SEL1L2: variants seen among roughly 807,000 people sequenced by gnomAD.
SEL1L2 encodes the protein SEL1L2 adaptor subunit of SYVN1 ubiquitin ligase, also known as protein sel-1 homolog 2.
Under a neutral mutation model 98.8 loss-of-function variants are expected in SEL1L2, and 89 were observed. The ratio of observed to expected loss-of-function variants is 0.90; its 90% confidence interval spans 0.76 to 1.07. The LOEUF (loss-of-function observed/expected upper bound fraction) is 1.07. Ranked by LOEUF, SEL1L2 falls within the 50% of genes least tolerant of loss-of-function variation. The pLI is 0.00. For synonymous variants in SEL1L2, 262 were observed against 278.5 expected, an observed-to-expected ratio of 0.94 and a Z score of 0.59; for missense variants, 788 against 812.0, an observed-to-expected ratio of 0.97 and a Z score of 0.36.
chr20:13,946,509 G>A (rs2050014933), intron 2 of SEL1L2, among the ~76,000 whole-genome samples: 1 of 152,356 alleles, frequency 6.6e-6, no homozygotes, highest in Admixed American at 6.5e-5. Context: ...AAATGGAAAT[G>A]ATGATGGTGG....
At chr20:13,932,086 T>C (rs1045488442) in intron 2 of SEL1L2, among the ~76,000 whole-genome samples, 3 of 152,198 alleles carry the variant, frequency 2.0e-5, no homozygotes, top group Non-Finnish European at 4.4e-5. Context: ...GTTGTCATGG[T>C]AATGTCAATC....
chr20:13,957,122 A>G (rs2050576392), intron 1 of SEL1L2, among the ~76,000 whole-genome samples: 1 of 149,506 alleles, frequency 6.7e-6, no homozygotes, highest in African/African-American at 2.5e-5. Flanking sequence ...TTTTTTTTGG[A>G]CACAGAGTCT....
chr20:13,884,737 G>C (rs1382412795), intron 10 of SEL1L2, among the ~76,000 whole-genome samples: 2 of 152,022 alleles, frequency 1.3e-5, no homozygotes, highest in Non-Finnish European at 2.9e-5. Flanking sequence ...TCAATATCCT[G>C]ATCTCGTGAT....
chr20:13,873,681 C>T (rs1363178664), intron 12 of SEL1L2, among the ~76,000 whole-genome samples: 2 of 152,190 alleles, frequency 1.3e-5, no homozygotes, highest in Non-Finnish European at 2.9e-5. Context: ...TTTTAAAACA[C>T]TTTCTGGGCC....
chr20:13,979,422 CAA>C (rs932892391), intron 1 of SEL1L2, among the ~76,000 whole-genome samples: 13 of 151,968 alleles, frequency 8.6e-5, no homozygotes, highest in Non-Finnish European at 1.3e-4. Flanking sequence ...GTTTACAACA[CAA>C]AGAAATAATA....
At chr20:13,986,169 T>G (rs1007258106) in intron 1 of SEL1L2, among the ~76,000 whole-genome samples, 1 of 152,230 alleles carries the variant, frequency 6.6e-6, no homozygotes, top group Non-Finnish European at 1.5e-5. Flanking sequence ...TTAGATCATA[T>G]AGTAACTTTA....
chr20:13,987,092 A>G (rs1026290595), intron 1 of SEL1L2, among the ~76,000 whole-genome samples: 2 of 147,674 alleles, frequency 1.4e-5, no homozygotes, highest in African/African-American at 2.6e-5. Context: ...CAGCCCCCCA[A>G]AGTGCTGGGA....
chr20:13,942,042 A>G (rs1264752609), intron 2 of SEL1L2, among the ~76,000 whole-genome samples: 4 of 152,138 alleles, frequency 2.6e-5, no homozygotes, highest in Non-Finnish European at 4.4e-5. Flanking sequence ...AGCTCTTGGG[A>G]AAAAGAGGAA....
intron 5 of SEL1L2, among the ~76,000 whole-genome samples, chr20:13,897,658 A>T (rs36091847): frequency 0.19 from 29,590 of 152,108 alleles, 3,714 homozygotes; most frequent in Non-Finnish European, 0.26. Flanking sequence ...AAATGTGCTC[A>T]ATATCAAGGT....
chr20:13,889,106 C>T (rs971839307), intron 5 of SEL1L2, among the ~76,000 whole-genome samples: 50 of 151,736 alleles, frequency 3.3e-4, no homozygotes, highest in Admixed American at 2.8e-3. Flanking sequence ...ATTACAGGTG[C>T]CCACCACCAC....
chr20:13,857,542 G>C (rs1052382991), intron 18 of SEL1L2, among the ~76,000 whole-genome samples: 6 of 152,212 alleles, frequency 3.9e-5, no homozygotes, highest in African/African-American at 1.4e-4. Context: ...ACACCTGCCT[G>C]TCCCCAGGGA....
intron 2 of SEL1L2, among the ~76,000 whole-genome samples, chr20:13,938,869 C>A (rs1298265847): frequency 6.6e-6 from 1 of 151,896 alleles, no homozygotes; most frequent in East Asian, 1.9e-4. Context: ...TGTTTAAATA[C>A]ATTTTTCTGT....
chr20:13,984,358 A>T (rs918085022), intron 1 of SEL1L2, among the ~76,000 whole-genome samples: 3 of 152,150 alleles, frequency 2.0e-5, no homozygotes, highest in Non-Finnish European at 4.4e-5. Context: ...ACTGTCCTGG[A>T]AACATAAAAA....
At chr20:13,899,401 T>G (rs2047567711) in intron 5 of SEL1L2, among the ~76,000 whole-genome samples, 1 of 152,212 alleles carries the variant, frequency 6.6e-6, no homozygotes, top group Non-Finnish European at 1.5e-5. Flanking sequence ...CACTCTATTT[T>G]CAGCATGTAT....
chr20:13,890,132 C>G (rs1406313701), intron 5 of SEL1L2, among the ~76,000 whole-genome samples: 1 of 152,214 alleles, frequency 6.6e-6, no homozygotes, highest in Non-Finnish European at 1.5e-5. Flanking sequence ...CTCAAGCCAG[C>G]ACAGCTTGGT....
chr20:13,984,127 T>C (rs2148565761), intron 1 of SEL1L2, among the ~76,000 whole-genome samples: 1 of 151,996 alleles, frequency 6.6e-6, no homozygotes, highest in African/African-American at 2.4e-5. Context: ...TTCTCCTGCC[T>C]CAGCCTCCTG....
intron 10 of SEL1L2, among the ~76,000 whole-genome samples, chr20:13,881,690 C>T (rs1219721335): frequency 1.3e-5 from 2 of 152,110 alleles, no homozygotes; most frequent in Admixed American, 6.5e-5. Context: ...GAGATTAGTT[C>T]AACCAAACAG....
At chr20:13,937,302 C>G (rs1326661080) in intron 2 of SEL1L2, among the ~76,000 whole-genome samples, 1 of 152,200 alleles carries the variant, frequency 6.6e-6, no homozygotes, top group African/African-American at 2.4e-5. Flanking sequence ...CGGAGAATCT[C>G]CAACCCGCCC....
chr20:13,941,299 A>G (rs550448405), intron 2 of SEL1L2, among the ~76,000 whole-genome samples: 2 of 152,344 alleles, frequency 1.3e-5, no homozygotes, highest in South Asian at 4.1e-4. Context: ...ACATTTCACA[A>G]GAATGTTTTG....
Sources: gnomAD v4.1 joint callset for allele counts (sites outside exome capture counted in the v4.1 genomes callset) on GRCh38, gnomAD v4.1.1 for gene constraint, MANE v1.5 for transcripts, NCBI Gene and HGNC (gene_info 2026-07-23, HGNC 2026-07-21) for gene names.